CNTLN: variants seen among roughly 807,000 people sequenced by gnomAD.
The protein encoded by CNTLN is centlein, also known as centlein, centrosomal protein.
CNTLN carries 212 observed loss-of-function variants against 180.0 expected under a neutral mutation model. That is an observed-to-expected ratio of 1.18 (90% CI 1.05 to 1.32). CNTLN has a LOEUF of 1.32. Among genes scored for constraint, CNTLN ranks in the 40% most tolerant of loss-of-function variants. CNTLN has a pLI of 0.00. For missense variants in CNTLN, 2,095 were observed against 1,610.9 expected (o/e 1.30, Z -5.14); for synonymous variants, 722 against 563.1 (o/e 1.28, Z -3.99).
At chr9:17,265,651 G>C (rs1183287920) in intron 5 of CNTLN, among the ~76,000 whole-genome samples, 1 of 152,116 alleles carries the variant, frequency 6.6e-6, no homozygotes, top group South Asian at 2.1e-4. Context: ...GAATTCGGCT[G>C]TGAATCCATC....
chr9:17,468,364 C>T (rs1831867303), intron 23 of CNTLN, among the ~76,000 whole-genome samples: 1 of 151,438 alleles, frequency 6.6e-6, no homozygotes, highest in Non-Finnish European at 1.5e-5. Flanking sequence ...ACAGAACCAA[C>T]CTGCACATGT....
chr9:17,315,309 T>G (rs1113381), intron 8 of CNTLN, among the ~76,000 whole-genome samples: 1 of 151,676 alleles, frequency 6.6e-6, no homozygotes, highest in Non-Finnish European at 1.5e-5. Context: ...AGATGATATA[T>G]GTTGTTTTTT....
At chr9:17,339,122 T>A (rs1391825037) in intron 10 of CNTLN, among the ~76,000 whole-genome samples, 1 of 152,210 alleles carries the variant, frequency 6.6e-6, no homozygotes, top group Non-Finnish European at 1.5e-5. Context: ...CTTTCATTTC[T>A]GTACGGCATA....
chr9:17,413,670 A>G (rs1327899080), intron 16 of CNTLN, among the ~76,000 whole-genome samples: 1 of 152,196 alleles, frequency 6.6e-6, no homozygotes, highest in Non-Finnish European at 1.5e-5. Context: ...AAGATTTTCA[A>G]CTTCACTATT....
chr9:17,391,576 A>C (rs763469021), intron 14 of CNTLN, among the ~76,000 whole-genome samples: 10 of 152,120 alleles, frequency 6.6e-5, no homozygotes, highest in Non-Finnish European at 1.2e-4. Context: ...CCAAACTTAA[A>C]TGGATTTCAG....
At chr9:17,419,599 A>G (rs2133910843) in intron 18 of CNTLN, among the ~76,000 whole-genome samples, 1 of 152,286 alleles carries the variant, frequency 6.6e-6, no homozygotes, top group Non-Finnish European at 1.5e-5. Context: ...AGGCATTCAA[A>G]CATGAGAAAT....
At chr9:17,348,513 T>C (rs1822098687) in intron 12 of CNTLN, among the ~76,000 whole-genome samples, 1 of 149,296 alleles carries the variant, frequency 6.7e-6, no homozygotes, top group African/African-American at 2.5e-5. Context: ...CTCACTCTGC[T>C]TTCTTTCTTT....
At chr9:17,350,575 T>C (rs1013300277) in intron 12 of CNTLN, among the ~76,000 whole-genome samples, 2 of 152,092 alleles carry the variant, frequency 1.3e-5, no homozygotes, top group Non-Finnish European at 2.9e-5. Flanking sequence ...CTTGCTGATA[T>C]AACAAAACGC....
rs1317450556 is a variant in CNTLN at position 17,303,548 on chromosome 9, A to ACGCTTTTC, written c.1146+5203_1146+5204insCCGCTTTT. Among the ~76,000 whole-genome samples, 6 of 143,182 alleles carry ACGCTTTTC rather than the reference A, an allele frequency of 4.2e-5. No homozygotes were observed. In the East Asian group the frequency reaches 6.0e-4, roughly 14 times the overall value. The allele number at this position is 143,182 out of a possible 152,430, so 93.9% of individuals were successfully genotyped here. ...TTGAGCTTCTGAAGATTTTTTACTA[A>ACGCTTTTC]CGCTTTTTTTTTCTCCTCAAAAATG... On this transcript the variant is annotated intron_variant, in intron 7 of 25. Coordinates refer to ENST00000380647, the MANE Select transcript of CNTLN (RefSeq NM_017738.4).
intron 6 of CNTLN, among the ~76,000 whole-genome samples, chr9:17,295,034 C>T (rs77796443): frequency 0.2 from 30,042 of 151,430 alleles, 3,654 homozygotes; most frequent in African/African-American, 0.34. Flanking sequence ...TGGGCCAACA[C>T]TGCTGGGGGA....
At chr9:17,301,257 C>T (rs146763882) in intron 7 of CNTLN, 2 of 985,352 alleles carry the variant, frequency 2.0e-6, no homozygotes, top group East Asian at 2.3e-4. Flanking sequence ...GGCGAACTTG[C>T]CGTAACCTAA....
intron 25 of CNTLN, among the ~76,000 whole-genome samples, chr9:17,496,859 C>G (rs1484250211): frequency 6.6e-6 from 1 of 152,152 alleles, no homozygotes; most frequent in Non-Finnish European, 1.5e-5. Flanking sequence ...ATATACTACA[C>G]AGTTCCTGGC....
At chr9:17,209,844 C>T (rs1427156309) in intron 2 of CNTLN, among the ~76,000 whole-genome samples, 1 of 152,100 alleles carries the variant, frequency 6.6e-6, no homozygotes, top group Non-Finnish European at 1.5e-5. Context: ...AAAACATATT[C>T]ATAGGCAATT....
In CNTLN at chr9:17,416,014, A is replaced by G. The variant is rs1327499097; in HGVS notation, c.2939A>G (p.Asn980Ser). The G allele has an allele frequency of 1.8e-5, 29 of 1,613,138 alleles. No individual in the cohort carries two copies. Among genetic ancestry groups the G allele is most frequent in the Non-Finnish European group, 2.2e-5 (26 of 1,179,644 alleles). ...ATAACTGCCCAGAAATCAAGTAGCAATATTATTTTATTACGAGAACGGATT... is the reference window on the plus strand; with the variant it reads ...ATAACTGCCCAGAAATCAAGTAGCAGTATTATTTTATTACGAGAACGGATT... ...KNITAQKSSS[N>S]IILLRERIIS... is the part of the protein sequence containing the mutation. Residue 980 changes from asparagine to serine, a missense_variant, in exon 18 of 26, where the codon AAT becomes AGT. Asn to Ser is a conservative substitution (Grantham distance 46). Coordinates refer to ENST00000380647, the MANE Select transcript of CNTLN (RefSeq NM_017738.4).
intron 6 of CNTLN, among the ~76,000 whole-genome samples, chr9:17,282,517 T>G (rs1828726485): frequency 2.0e-5 from 3 of 152,184 alleles, no homozygotes. Context: ...TTGCAAAAAT[T>G]TTCTCCCATT....
At chr9:17,419,427 G>A (rs1281100206) in intron 18 of CNTLN, among the ~76,000 whole-genome samples, 1 of 152,044 alleles carries the variant, frequency 6.6e-6, no homozygotes, top group African/African-American at 2.4e-5. Flanking sequence ...GTAAAGATAC[G>A]AGTAAAAAAC....
At chr9:17,385,675 G>C (rs968516118) in intron 13 of CNTLN, among the ~76,000 whole-genome samples, 3 of 152,094 alleles carry the variant, frequency 2.0e-5, no homozygotes, top group African/African-American at 7.2e-5. Flanking sequence ...AAAAAAAATT[G>C]TATCTGTATT....
chr9:17,142,988 A>T (rs1477093245), intron 1 of CNTLN, among the ~76,000 whole-genome samples: 1 of 152,214 alleles, frequency 6.6e-6, no homozygotes, highest in African/African-American at 2.4e-5. Context: ...ATAAAAGCGG[A>T]GCTGAAAATG....
chr9:17,150,061 G>C (rs998561706), intron 2 of CNTLN, among the ~76,000 whole-genome samples: 1 of 152,142 alleles, frequency 6.6e-6, no homozygotes, highest in Admixed American at 6.5e-5. Context: ...CCCTCTGTCA[G>C]ATGGATAGAT....
Sources: gnomAD v4.1 joint callset for allele counts (sites outside exome capture counted in the v4.1 genomes callset) on GRCh38, gnomAD v4.1.1 for gene constraint, MANE v1.5 for transcripts, NCBI Gene and HGNC (gene_info 2026-07-23, HGNC 2026-07-21) for gene names.